Variants in TTC29 observed in about 807,000 individuals in gnomAD.
TTC29 encodes tetratricopeptide repeat protein 29.
In TTC29, 49 loss-of-function variants were observed where a neutral mutation model predicts 58.1. That is an observed-to-expected ratio of 0.84 (90% confidence interval 0.67 to 1.07). The LOEUF (loss-of-function observed/expected upper bound fraction) is 1.07. Among genes scored for constraint, TTC29 ranks in the 50% least tolerant of loss-of-function variants. TTC29 has a pLI of 0.00. For missense variants in TTC29, 582 were observed against 555.6 expected, an observed-to-expected ratio of 1.05 and a Z score of -0.48; for synonymous variants, 209 against 196.8, an observed-to-expected ratio of 1.06 and a Z score of -0.52.
At chr4:146,802,925 C>T (rs957927180) in intron 11 of TTC29, among the ~76,000 whole-genome samples, 1 of 152,052 alleles carries the variant, frequency 6.6e-6, no homozygotes, top group African/African-American at 2.4e-5. Context: ...TTTTAATTTA[C>T]TATTTTGAAT....
chr4:146,756,866 A>G (rs1241308656), intron 11 of TTC29, among the ~76,000 whole-genome samples: 1 of 151,884 alleles, frequency 6.6e-6, no homozygotes, highest in East Asian at 1.9e-4. Flanking sequence ...AGTGTGTCCA[A>G]AGTTTCCTAA....
chr4:146,728,752 G>GATATATATACATATATATACACATAT (rs576601005), intron 11 of TTC29, among the ~76,000 whole-genome samples: 35 of 68,278 alleles, frequency 5.1e-4, no homozygotes, highest in African/African-American at 1.1e-3. Flanking sequence ...CTGTCCAGAG[G>GATATATATACATATATATACACATAT]ATATATGTAC....
At chr4:146,778,317 A>T (rs1748269439) in intron 11 of TTC29, among the ~76,000 whole-genome samples, 1 of 152,024 alleles carries the variant, frequency 6.6e-6, no homozygotes, top group Admixed American at 6.6e-5. Context: ...AAATTTTAAT[A>T]TTTTCAGAGT....
Position 146,833,846 on chromosome 4 carries a change from G to A in TTC29, c.937C>T (p.Leu313=), listed in dbSNP as rs779273055. The change falls in exon 9 of 13, where the codon CTG becomes TTG. Residue 313 remains leucine (L), a synonymous_variant. Coordinates refer to ENST00000325106, the MANE Select transcript of TTC29 (RefSeq NM_031956.4). ...GCTATGGCTTCATAGCCTCTCCCCAGACTGAGATCATCATCCAGGTCTGTG... is the reference window on the plus strand; with the variant it reads ...GCTATGGCTTCATAGCCTCTCCCCAAACTGAGATCATCATCCAGGTCTGTG... ...ISTDLDDDLS[L]GRGYEAIAKV... 39 of 1,613,152 alleles carry A rather than the reference G, an allele frequency of 2.4e-5. No homozygotes were observed. The highest frequency in any genetic ancestry group is 3.3e-5 in the Admixed American group (2 of 59,960).
chr4:146,911,439 C>T (rs925629876), intron 4 of TTC29, among the ~76,000 whole-genome samples: 2 of 152,176 alleles, frequency 1.3e-5, no homozygotes, highest in African/African-American at 2.4e-5. Context: ...ATTTCCAGAG[C>T]TCATAGAACA....
intron 11 of TTC29, among the ~76,000 whole-genome samples, chr4:146,726,419 C>A (rs1743788624): frequency 6.6e-6 from 1 of 152,120 alleles, no homozygotes. Context: ...CACCACTGCA[C>A]TCCAGCCTAA....
intron 6 of TTC29, among the ~76,000 whole-genome samples, chr4:146,899,866 C>T (rs1477167809): frequency 6.6e-6 from 1 of 152,146 alleles, no homozygotes; most frequent in Non-Finnish European, 1.5e-5. Context: ...AGCTAATGTC[C>T]CACTTTAGCA....
At chr4:146,903,807 T>C (rs1733329571) in intron 5 of TTC29, 78 bp from the exon 6 acceptor site, 3 of 1,058,944 alleles carry the variant, frequency 2.8e-6, no homozygotes, top group Non-Finnish European at 2.5e-6. Flanking sequence ...CAAACCAATA[T>C]CATGACTTCC....
chr4:146,906,771 A>G (rs1414496890), intron 5 of TTC29, among the ~76,000 whole-genome samples: 2 of 152,234 alleles, frequency 1.3e-5, no homozygotes, highest in East Asian at 3.8e-4. Flanking sequence ...TCAACCAGAC[A>G]AAAGCCACTG....
chr4:146,798,166 T>TC (rs1749956972), intron 11 of TTC29, among the ~76,000 whole-genome samples: 2 of 152,010 alleles, frequency 1.3e-5, no homozygotes, highest in Non-Finnish European at 1.5e-5. Context: ...AGGAGTGGCA[T>TC]CAGATTTAGG....
At chr4:146,804,794 GC>G (rs139502466) in intron 10 of TTC29, among the ~76,000 whole-genome samples, 4,745 of 152,232 alleles carry the variant, frequency 0.031, 245 homozygotes, top group African/African-American at 0.11. Flanking sequence ...GGGAAGGGAG[GC>G]TGTGGGCGCA....
chr4:146,786,542 GTCTCATAGAACAGCC>G lies in TTC29; in HGVS notation c.1330+16900_1330+16914del, dbSNP rs1749030378. 2.0e-5 allele frequency among the ~76,000 whole-genome samples: 3 copies of G among 152,162 alleles called. No individual in the cohort carries two copies. In the South Asian group the frequency reaches 6.2e-4, roughly 32 times the overall value. Reference sequence around the variant, plus strand: ...AGGTTCTACTCTAAACCTCAAGGCAGTCTCATAGAACAGCCTTCTGTACAGTGAATTTAAACTTTA... The same window carrying G: ...AGGTTCTACTCTAAACCTCAAGGCAGTTCTGTACAGTGAATTTAAACTTTA... On this transcript the variant is annotated intron_variant, in intron 11 of 12. Coordinates refer to ENST00000325106, the MANE Select transcript of TTC29 (RefSeq NM_031956.4).
intron 11 of TTC29, among the ~76,000 whole-genome samples, chr4:146,775,544 CTT>C (rs35456033): frequency 1.0e-4 from 14 of 135,588 alleles, no homozygotes; most frequent in African/African-American, 8.0e-5. Flanking sequence ...GTTGAAATTT[CTT>C]TTTTTTTTTT....
At chr4:146,814,420 TA>T (rs1162331224) in intron 10 of TTC29, among the ~76,000 whole-genome samples, 2 of 32,580 alleles carry the variant, frequency 6.1e-5, no homozygotes, top group Non-Finnish European at 1.1e-4. Context: ...TGCTTCTATT[TA>T]AAAAAAAGTT....
At position 146,925,941 on chromosome 4, in the gene TTC29, T is replaced by G. The variant is rs975645059; in HGVS notation, c.176+11653A>C. The stretch of plus-strand genomic sequence containing the variant: ...ATCCTTTTTTCTACTGCATTGCTTC[T>G]GCTTCTTTATAACAATAGATTGCCT... On this transcript the variant is annotated intron_variant, in intron 4 of 12. Transcript: ENST00000325106. 2.6e-4 allele frequency among the ~76,000 whole-genome samples: 39 copies of G among 152,326 alleles called. No homozygotes were observed. The East Asian group carries it at 4.4e-3, about 17-fold the overall frequency.
intron 11 of TTC29, among the ~76,000 whole-genome samples, chr4:146,729,716 C>A (rs1282694478): frequency 6.6e-6 from 1 of 152,052 alleles, no homozygotes; most frequent in East Asian, 1.9e-4. Context: ...AGGAAACTTA[C>A]AATCATGGCA....
intron 11 of TTC29, among the ~76,000 whole-genome samples, chr4:146,733,504 T>G (rs1744498146): frequency 6.6e-6 from 1 of 152,172 alleles, no homozygotes; most frequent in Admixed American, 6.6e-5. Context: ...TAACACTTTA[T>G]GGACTTTAAG....
At chr4:146,937,283 C>A (rs1735912299) in intron 4 of TTC29, among the ~76,000 whole-genome samples, 1 of 151,872 alleles carries the variant, frequency 6.6e-6, no homozygotes, top group South Asian at 2.1e-4. Context: ...AAGCTTTTTT[C>A]TTTCCCATGG....
At chr4:146,854,932 T>G (rs536189130) in intron 8 of TTC29, among the ~76,000 whole-genome samples, 1 of 152,306 alleles carries the variant, frequency 6.6e-6, no homozygotes, top group South Asian at 2.1e-4. Flanking sequence ...TGCCATTTTG[T>G]GGATTAGTTG....
Sources: allele counts gnomAD v4.1 joint callset (sites outside exome capture counted in the v4.1 genomes callset), GRCh38; gene constraint gnomAD v4.1.1; transcripts MANE v1.5; gene names NCBI Gene and HGNC (gene_info 2026-07-23, HGNC 2026-07-21).